The following TMEM230 variants were observed in gnomAD, a reference collection of about 807,000 sequenced individuals.
TMEM230 encodes the protein transmembrane protein 230.
TMEM230 carries 10 observed loss-of-function variants against 15.8 expected under a neutral mutation model. That is an observed-to-expected ratio of 0.63 (90% CI 0.39 to 1.07). The LOEUF is 1.07. Among genes scored for constraint, TMEM230 ranks in the 50% least tolerant of loss-of-function variants. The pLI, the probability that TMEM230 is intolerant of heterozygous loss-of-function variation, is 0.01. For missense variants in TMEM230, 165 were observed against 193.3 expected (o/e 0.85, Z 0.87); for synonymous variants, 67 against 76.9 (o/e 0.87, Z 0.68).
intron 4 of TMEM230, 34 bp from the exon 4 acceptor site, chr20:5,100,965 G>T: frequency 1.2e-6 from 2 of 1,610,262 alleles, no homozygotes; most frequent in Non-Finnish European, 8.5e-7. Context: ...CATTAGTACC[G>T]TAAGAGTTAC....
chr20:5,086,488 G>A (rs1318143652), intron 3 of TMEM230, among the ~76,000 whole-genome samples: 1 of 137,506 alleles, frequency 7.3e-6, no homozygotes, highest in South Asian at 2.3e-4. Context: ...GCAGTAAGAC[G>A]AGATCACGCC....
intron 4 of TMEM230, 28 bp downstream of exon 3, chr20:5,106,160 A>G (rs777041161): frequency 6.2e-7 from 1 of 1,600,404 alleles, no homozygotes; most frequent in Non-Finnish European, 8.5e-7. Context: ...AAATCTCACA[A>G]CTTATTCCCA....
At chr20:5,098,734 C>T (rs1202129465), downstream of TMEM230, among the ~76,000 whole-genome samples, 1 of 151,834 alleles carries the variant, frequency 6.6e-6, no homozygotes, top group Non-Finnish European at 1.5e-5. Context: ...TGAAAAACTA[C>T]ACTTATAATG....
In TMEM230 at chr20:5,080,871, C is replaced by T. The variant is rs143096510; in HGVS notation, c.223-11522G>A. ...CTCAGACTTGAAATAGCAGATGAGG[C>T]GAGTGACACTCTATACCAGGTTACA... is the stretch of plus-strand genomic sequence containing the variant. On this transcript the variant is annotated intron_variant, in intron 3 of 3. Coordinates refer to the TMEM230 transcript ENST00000612323. Among the ~76,000 whole-genome samples the T allele has an allele frequency of 5.7e-3, 866 of 152,272 alleles. 8 individuals are homozygous for T. The highest frequency in any genetic ancestry group is 0.02 in the African/African-American group (818 of 41,562).
Position 5,112,969 on chromosome 20 carries a change from C to A in TMEM230, c.60G>T (p.Ala20=). The A allele has an allele frequency of 2.6e-6, 4 of 1,550,358 alleles. No homozygotes were observed. Among genetic ancestry groups the A allele is most frequent in the Non-Finnish European group, 3.5e-6 (4 of 1,147,098 alleles). Residue 20 remains alanine (A), a synonymous_variant, in exon 1 of 5, where the codon GCG becomes GCT. Coordinates refer to ENST00000342308, the MANE Select transcript of TMEM230 (RefSeq NM_001009923.2). ...CCGCACACACGCCTTACCGGAGCGC[C>A]GCGCCAGGCCGCCCGCACACCCAGA...
rs1269485656 is a variant in TMEM230, at chr20:5,113,055, GC to G, written c.-28del. 6.5e-7 allele frequency: 1 copy of G among 1,542,380 alleles called. No homozygotes were observed. Among genetic ancestry groups the G allele is most frequent in the Non-Finnish European group, 8.7e-7 (1 of 1,146,226 alleles). Reference sequence around the variant, plus strand: ...GCATGGCCCGCTTAAGTGCCACTCAGCCGGCCCCAGGCGGGATCAGTGCGCC... The same window carrying G: ...GCATGGCCCGCTTAAGTGCCACTCAGCGGCCCCAGGCGGGATCAGTGCGCC... On this transcript the variant is annotated 5_prime_UTR_variant, in exon 1 of 5. Transcript: ENST00000342308.
intron 3 of TMEM230, among the ~76,000 whole-genome samples, chr20:5,076,073 C>A (rs1032243079): frequency 6.6e-5 from 10 of 151,582 alleles, no homozygotes; most frequent in African/African-American, 2.2e-4. Context: ...AGTGTCACTG[C>A]ACTCCAACCT....
At chr20:5,083,628 T>C (rs2089247790) in intron 3 of TMEM230, among the ~76,000 whole-genome samples, 1 of 152,182 alleles carries the variant, frequency 6.6e-6, no homozygotes, top group Non-Finnish European at 1.5e-5. Context: ...TTAAAATCAA[T>C]ATTTATAAAT....
intron 3 of TMEM230, among the ~76,000 whole-genome samples, chr20:5,108,515 C>A (rs2090184127): frequency 6.6e-6 from 1 of 150,924 alleles, no homozygotes; most frequent in African/African-American, 2.4e-5. Flanking sequence ...GCCTTATGAA[C>A]AAATTCAATT....
intron 4 of TMEM230, among the ~76,000 whole-genome samples, chr20:5,105,448 G>A (rs749451763): frequency 1.3e-5 from 2 of 151,364 alleles, no homozygotes; most frequent in Non-Finnish European, 2.9e-5. Context: ...AACATTAGCC[G>A]GGTGCGGTGG....
intron 1 of TMEM230, among the ~76,000 whole-genome samples, chr20:5,112,008 G>T (rs2090347154): frequency 6.6e-6 from 1 of 152,026 alleles, no homozygotes; most frequent in South Asian, 2.1e-4. Flanking sequence ...TACCACGCCC[G>T]GCTAATTTTT....
chr20:5,064,819 C>G (rs1196884197), downstream of TMEM230, among the ~76,000 whole-genome samples: 1 of 151,550 alleles, frequency 6.6e-6, no homozygotes, highest in East Asian at 1.9e-4. Context: ...GAGTTGAAAA[C>G]AAAGATAGCA....
chr20:5,071,377 C>A (rs1168369342), intron 3 of TMEM230, among the ~76,000 whole-genome samples: 2 of 152,026 alleles, frequency 1.3e-5, no homozygotes, highest in Non-Finnish European at 2.9e-5. Context: ...GTAATCCCAG[C>A]ACTTTGGGAG....
intron 3 of TMEM230, among the ~76,000 whole-genome samples, chr20:5,070,405 A>G (rs774490009): frequency 2.0e-5 from 3 of 152,214 alleles, no homozygotes; most frequent in Non-Finnish European, 4.4e-5. Flanking sequence ...TCGCAGAACC[A>G]TAAGACACAA....
chr20:5,086,230 TAAA>T (rs570691228), intron 3 of TMEM230, among the ~76,000 whole-genome samples: 3,099 of 122,988 alleles, frequency 0.025, 63 homozygotes, highest in South Asian at 0.11. Context: ...TCATTTCTAT[TAAA>T]AAAAAAAAAA....
intron 3 of TMEM230, among the ~76,000 whole-genome samples, chr20:5,106,523 C>T (rs894216782): frequency 8.5e-5 from 13 of 152,114 alleles, no homozygotes; most frequent in African/African-American, 2.9e-4. Context: ...CCTGTCTCAG[C>T]CTCCTGAGCA....
intron 3 of TMEM230, among the ~76,000 whole-genome samples, chr20:5,093,772 A>T (rs531929118): frequency 6.6e-6 from 1 of 152,100 alleles, no homozygotes; most frequent in Non-Finnish European, 1.5e-5. Context: ...TCCTGGCTTC[A>T]AGTGATGTGA....
At chr20:5,093,466 C>A (rs936980309) in intron 3 of TMEM230, among the ~76,000 whole-genome samples, 2 of 152,070 alleles carry the variant, frequency 1.3e-5, no homozygotes, top group Non-Finnish European at 2.9e-5. Context: ...GTCTTGAACT[C>A]CTGGGCTCAC....
intron 3 of TMEM230, among the ~76,000 whole-genome samples, chr20:5,083,224 G>A (rs921826961): frequency 1.3e-5 from 2 of 150,828 alleles, no homozygotes; most frequent in African/African-American, 4.9e-5. Flanking sequence ...CACCGCACCC[G>A]GCCTAATTCT....
Sources: gnomAD v4.1 joint callset for allele counts (sites outside exome capture counted in the v4.1 genomes callset) on GRCh38, gnomAD v4.1.1 for gene constraint, MANE v1.5 for transcripts, NCBI Gene and HGNC (gene_info 2026-07-23, HGNC 2026-07-21) for gene names.